The following SLC16A5 variants were observed in gnomAD, a reference collection of about 807,000 sequenced individuals.
SLC16A5 encodes monocarboxylate transporter 6.
Under a neutral mutation model 33.2 loss-of-function variants are expected in SLC16A5, and 29 were observed. The observed-to-expected ratio is 0.87, with a 90% CI of 0.65 to 1.19. SLC16A5 has a LOEUF of 1.19. SLC16A5 is among the 50% of genes most tolerant of loss of function. SLC16A5 has a pLI of 0.00. For synonymous variants in SLC16A5, 248 were observed against 284.1 expected, an observed-to-expected ratio of 0.87 and a Z score of 1.28; for missense variants, 606 against 678.2, an observed-to-expected ratio of 0.89 and a Z score of 1.18.
At chr17:75,097,955 T>C in intron 3 of SLC16A5, 83 bp from the exon 4 acceptor site, 2 of 1,479,874 alleles carry the variant, frequency 1.4e-6, no homozygotes, top group South Asian at 2.7e-5. Context: ...TAGTTCCAGC[T>C]GGAACTGCCC....
rs2073780623 is a variant in SLC16A5, at chr17:75,100,525, A to AGCTGG, written c.863_864insCTGGG (p.Arg288SerfsTer5). The AGCTGG allele has an allele frequency of 1.2e-6, 2 of 1,614,066 alleles. No individual in the cohort carries two copies. The highest frequency in any genetic ancestry group is 1.7e-6 in the Non-Finnish European group (2 of 1,180,038). ...CATCGGCTTCAGCAACATCTTCCTGAGGCCCCTAGCCGGGCTGATGGCAGG... is the reference window on the plus strand; with the variant it reads ...CATCGGCTTCAGCAACATCTTCCTGAGCTGGGGCCCCTAGCCGGGCTGATGGCAGG... On this transcript the variant is annotated frameshift_variant, in exon 5 of 7. Coordinates refer to ENST00000329783, the MANE Select transcript of SLC16A5 (RefSeq NM_004695.4). LOFTEE classifies it high-confidence loss of function.
Position 75,091,418 on chromosome 17 carries a change from G to A in SLC16A5, c.-49+2114G>A, listed in dbSNP as rs568451640. On this transcript the variant is annotated intron_variant, in intron 2 of 6. Transcript: ENST00000329783. ...GAGGGCCAGGCTGGGAGGATCTCTAGCCAGAGGTCGCATGCAGAGGGCAGG... is the reference window on the plus strand; with the variant it reads ...GAGGGCCAGGCTGGGAGGATCTCTAACCAGAGGTCGCATGCAGAGGGCAGG... Among the ~76,000 whole-genome samples the A allele has an allele frequency of 3.9e-5, 6 of 152,308 alleles. No individual in the cohort carries two copies. In the East Asian group the frequency reaches 1.2e-3, roughly 29 times the overall value.
At chr17:75,108,218 G>A (rs2073877792), downstream of SLC16A5, among the ~76,000 whole-genome samples, 1 of 152,162 alleles carries the variant, frequency 6.6e-6, no homozygotes, top group East Asian at 1.9e-4. Context: ...CAGTTCCTGG[G>A]CAGGGAGGGA....
At chr17:75,099,913 G>A in intron 4 of SLC16A5, 94 bp from the exon 5 acceptor site, 1 of 1,158,038 alleles carries the variant, frequency 8.6e-7, no homozygotes, top group Non-Finnish European at 1.2e-6. Context: ...AACCAGAGGA[G>A]GGCAGGTGTG....
chr17:75,104,742 G>A (rs2073842641), intron 6 of SLC16A5: 1 of 985,056 alleles, frequency 1.0e-6, no homozygotes, highest in African/African-American at 1.7e-5. Context: ...GAGCCACCGT[G>A]CCCAGCCAGA....
chr17:75,097,726 G>A (rs183110907), intron 3 of SLC16A5, among the ~76,000 whole-genome samples: 1 of 152,298 alleles, frequency 6.6e-6, no homozygotes, highest in Admixed American at 6.5e-5. Flanking sequence ...TGTTTCACCC[G>A]GATAGAATGA....
At chr17:75,104,913 C>A in intron 6 of SLC16A5, 1 of 985,442 alleles carries the variant, frequency 1.0e-6, no homozygotes, top group African/African-American at 1.7e-5. Context: ...GCTCCTACAG[C>A]TCAATGCACT....
chr17:75,094,067 G>C (rs1404630629), intron 3 of SLC16A5, among the ~76,000 whole-genome samples: 8 of 152,232 alleles, frequency 5.3e-5, no homozygotes, highest in Admixed American at 5.2e-4. Context: ...GCGGAGCCTT[G>C]CGTCCTTTCT....
chr17:75,092,077 G>T (rs927514709), intron 2 of SLC16A5, among the ~76,000 whole-genome samples: 4 of 151,702 alleles, frequency 2.6e-5, no homozygotes, highest in South Asian at 2.1e-4. Context: ...GTGCATGTCT[G>T]CACTGTGTGT....
chr17:75,103,947 C>G (rs1294425637), intron 5 of SLC16A5, 23 bp from the exon 6 acceptor site: 3 of 1,610,346 alleles, frequency 1.9e-6, no homozygotes, highest in Non-Finnish European at 2.5e-6. Flanking sequence ...TAGCACTGGC[C>G]TAACTTGATC....
Position 75,098,130 on chromosome 17 carries a change from T to A in SLC16A5, c.292T>A (p.Ser98Thr). 1 of 1,612,014 alleles carries A rather than the reference T, an allele frequency of 6.2e-7. No individual in the cohort carries two copies. Among genetic ancestry groups the A allele is most frequent in the Non-Finnish European group, 8.5e-7 (1 of 1,179,170 alleles). Residue 98 changes from serine to threonine, a missense_variant, in exon 4 of 7, where the codon TCC becomes ACC. Coordinates refer to ENST00000329783, the MANE Select transcript of SLC16A5 (RefSeq NM_004695.4). Reference sequence around the variant, plus strand: ...GGCCAGCCTGGGCATGGTGGCCAGCTCCTTCTCTCACAACCTCAGCCAGCT... The same window carrying A: ...GGCCAGCCTGGGCATGGTGGCCAGCACCTTCTCTCACAACCTCAGCCAGCT... ...VLASLGMVASSFSHNLSQLYF... is the reference protein window; with the variant it reads ...VLASLGMVASTFSHNLSQLYF...
rs770566554 is a variant in SLC16A5 at position 75,105,985 on chromosome 17, G to A, written c.1470G>A (p.Ala490=). ...ATGAGTGGCTCTTATGGCCAAAGGC[G>A]GTACTGCAGGCCAAGCAAACGGCTC... is the stretch of plus-strand genomic sequence containing the variant. ...TSHEWLLWPK[A]VLQAKQTALG... The change falls in exon 7 of 7, where the codon GCG becomes GCA. Residue 490 remains alanine (A), a synonymous_variant. Coordinates refer to ENST00000329783, the MANE Select transcript of SLC16A5 (RefSeq NM_004695.4). The A allele has an allele frequency of 1.3e-5, 21 of 1,607,828 alleles. No individual in the cohort carries two copies. Among genetic ancestry groups the A allele is most frequent in the Non-Finnish European group, 1.6e-5 (19 of 1,176,228 alleles).
downstream of SLC16A5, among the ~76,000 whole-genome samples, chr17:75,107,869 G>A (rs1263636543): frequency 2.6e-5 from 4 of 151,972 alleles, no homozygotes; most frequent in South Asian, 2.1e-4. Flanking sequence ...CCTGGGAGGC[G>A]GAGCTTCCAG....
rs912265381 is a variant in SLC16A5, at chr17:75,100,484, CCCT to C, written c.826_828del (p.Leu276del). ...CACAGCGTGGACGAGCAGCAGGCAGCCCTCCTCATCTCCATCATCGGCTTCAGC... is the reference window on the plus strand; with the variant it reads ...CACAGCGTGGACGAGCAGCAGGCAGCCCTCATCTCCATCATCGGCTTCAGC... On this transcript the variant is annotated inframe_deletion, in exon 5 of 7. Transcript: ENST00000329783. The C allele has an allele frequency of 1.9e-6, 3 of 1,614,110 alleles. No homozygotes were observed. Among genetic ancestry groups the C allele is most frequent in the African/African-American group, 2.7e-5 (2 of 74,944 alleles).
chr17:75,104,751 G>A (rs1023700060), intron 6 of SLC16A5: 19 of 985,242 alleles, frequency 1.9e-5, no homozygotes, highest in Non-Finnish European at 2.2e-5. Flanking sequence ...TGCCCAGCCA[G>A]AGGAACCCTT....
At position 75,103,391 on chromosome 17, in the gene SLC16A5, A is replaced by G. The variant is rs1475835121; in HGVS notation, c.1154-579A>G. Among the ~76,000 whole-genome samples the G allele has an allele frequency of 5.5e-5, 8 of 145,426 alleles. No individual in the cohort carries two copies. In the Admixed American group the frequency reaches 5.7e-4, roughly 10 times the overall value. On this transcript the variant is annotated intron_variant, in intron 5 of 6. Transcript: ENST00000329783. ...GTTGCCCAGACTGGAGTGCAGTGGT[A>G]CGATCTTGGTTCACTGCAACCTCTG... is the stretch of plus-strand genomic sequence containing the variant.
At chr17:75,096,841 CTTT>C (rs71361652) in intron 3 of SLC16A5, among the ~76,000 whole-genome samples, 2,599 of 65,220 alleles carry the variant, frequency 0.04, 172 homozygotes, top group African/African-American at 0.19. Flanking sequence ...CACTCCATCA[CTTT>C]TTTTTTTTTT....
At chr17:75,104,266 C>T (rs1314206086) in intron 6 of SLC16A5, 86 bp downstream of exon 6, 1 of 1,547,952 alleles carries the variant, frequency 6.5e-7, no homozygotes, top group Non-Finnish European at 8.7e-7. Context: ...CTGTCTCAGC[C>T]CAGCCCAGGA....
Position 75,098,045 on chromosome 17 carries a change from G to C in SLC16A5, c.207G>C (p.Leu69=), listed in dbSNP as rs61738950. 6.3e-7 allele frequency: 1 copy of C among 1,596,914 alleles called. No individual in the cohort carries two copies. The highest frequency in any genetic ancestry group is 1.8e-5 in the Admixed American group (1 of 55,442). ...LTAVLHMAGP[L]CSILVGRFGC... is the part of the protein sequence containing the mutation. ...GGCTGTCTTCTCCCACAGGGCCCCT[G>C]TGCAGCATCCTGGTGGGACGCTTCG... Residue 69 remains leucine (L), a synonymous_variant, in exon 4 of 7, where the codon CTG becomes CTC. Transcript: ENST00000329783.
Sources: gnomAD v4.1 joint callset for allele counts (sites outside exome capture counted in the v4.1 genomes callset) on GRCh38, gnomAD v4.1.1 for gene constraint, MANE v1.5 for transcripts, NCBI Gene and HGNC (gene_info 2026-07-23, HGNC 2026-07-21) for gene names.